UNC13A: variants seen among roughly 807,000 people sequenced by gnomAD.
UNC13A encodes unc-13 homolog A.
UNC13A carries 61 observed loss-of-function variants against 219.7 expected under a neutral mutation model. The ratio of observed to expected loss-of-function variants is 0.28; its 90% CI spans 0.23 to 0.34. The LOEUF (loss-of-function observed/expected upper bound fraction) is 0.34, where lower values mean the gene tolerates loss of function less well. UNC13A is among the 10% of genes least tolerant of loss of function. UNC13A has a pLI of 1.00. For missense variants in UNC13A, 1,476 were observed against 2,270.3 expected (o/e 0.65, Z 7.11); for synonymous variants, 920 against 884.6 (o/e 1.04, Z -0.71).
chr19:17,619,438 CTTT>C (rs3049774), intron 38 of UNC13A, among the ~76,000 whole-genome samples: 3,155 of 90,286 alleles, frequency 0.035, 103 homozygotes, highest in African/African-American at 0.09. Context: ...TTTTTCTTTT[CTTT>C]TTTTTTTTTT....
chr19:17,642,340 T>C (rs1235971420), intron 20 of UNC13A, among the ~76,000 whole-genome samples: 1 of 151,514 alleles, frequency 6.6e-6, no homozygotes, highest in Non-Finnish European at 1.5e-5. Context: ...TCCATCCATC[T>C]GTCCATCCAT....
chr19:17,650,854 C>T (rs1392928236), intron 12 of UNC13A, among the ~76,000 whole-genome samples: 2 of 152,054 alleles, frequency 1.3e-5, no homozygotes, highest in African/African-American at 4.8e-5. Context: ...GTAGCCTCCA[C>T]CTCCTGGGCT....
chr19:17,679,898 T>G (rs976396178), intron 1 of UNC13A, among the ~76,000 whole-genome samples: 2 of 152,026 alleles, frequency 1.3e-5, no homozygotes, highest in African/African-American at 4.8e-5. Context: ...TGGTCTCCGT[T>G]GGGGTCCTCA....
At chr19:17,638,388 A>G (rs1384915773) in intron 25 of UNC13A, among the ~76,000 whole-genome samples, 1 of 152,130 alleles carries the variant, frequency 6.6e-6, no homozygotes, top group Non-Finnish European at 1.5e-5. Flanking sequence ...GGATCACTTG[A>G]GCCTGGGAGG....
intron 31 of UNC13A, chr19:17,628,412 C>T (rs10403756): frequency 0.63 from 107,640 of 171,234 alleles, 35,788 homozygotes; most frequent in African/African-American, 0.84. Context: ...ACTCACACCA[C>T]GCACATTCAA....
chr19:17,619,548 G>A (rs2076706013), intron 38 of UNC13A, among the ~76,000 whole-genome samples: 2 of 150,552 alleles, frequency 1.3e-5, no homozygotes, highest in Non-Finnish European at 2.9e-5. Flanking sequence ...CAATCCTCCC[G>A]CCTCCCCAGT....
rs76602387 is a variant in UNC13A, at chr19:17,649,632, C to T, written c.1440-45G>A. On this transcript the variant is annotated intron_variant, in intron 12 of 43. Transcript: ENST00000519716. The surrounding 1 kb of genome is among the most constrained non-coding windows in gnomAD (Gnocchi z 4.4). ...ACTGAGGGCCCAGATGTCCCTATTC[C>T]TCACATAGAGCCCTGGGGAGAACAT... 5.9e-4 allele frequency: 941 copies of T among 1,605,332 alleles called. 2 individuals carry two copies. The African/African-American group carries it at 0.012, about 20-fold the overall frequency.
intron 8 of UNC13A, among the ~76,000 whole-genome samples, chr19:17,662,303 G>A (rs1034649065): frequency 1.3e-5 from 2 of 150,762 alleles, no homozygotes; most frequent in Non-Finnish European, 2.9e-5. Context: ...GTGCATGTGC[G>A]GGATCTAGGT....
Position 17,602,354 on chromosome 19 carries a change from C to A in UNC13A, c.*3700G>T. On this transcript the variant is annotated 3_prime_UTR_variant, in exon 44 of 44. Transcript: ENST00000519716. ...GTCCTCATCGGGGCGTGATCTCACC[C>A]TCTGTCTCTGTGTTTTCTACTCTAT... 6.6e-6 allele frequency: 1 copy of A among 152,508 alleles called. No individual in the cohort carries two copies. The allele number at this position is 152,508 out of a possible 1,614,324, so 9.4% of individuals were successfully genotyped here.
At chr19:17,620,579 C>A (rs2076718139) in intron 38 of UNC13A, 114 bp downstream of exon 38, 2 of 964,344 alleles carry the variant, frequency 2.1e-6, no homozygotes, top group African/African-American at 1.7e-5. Flanking sequence ...GACCAACAGA[C>A]AGGTTCACAG....
chr19:17,676,364 CT>C (rs1234699458), intron 1 of UNC13A, among the ~76,000 whole-genome samples: 2 of 152,022 alleles, frequency 1.3e-5, no homozygotes, highest in Admixed American at 6.6e-5. Context: ...TTCCCTGCCC[CT>C]CCCTCTCCCT....
In UNC13A at chr19:17,638,685, T is replaced by C. The variant is rs1367732065; in HGVS notation, c.3081+398A>G. On this transcript the variant is annotated intron_variant, in intron 25 of 43. Transcript: ENST00000519716. ...TTTACTAAAAATACAAAAAATTAAC[T>C]AGGTGTGGTGGTGGGCACCTGTAAT... Among the ~76,000 whole-genome samples the C allele has an allele frequency of 2.0e-5, 3 of 151,698 alleles. No individual in the cohort carries two copies. In the South Asian group the frequency reaches 6.3e-4, roughly 32 times the overall value.
chr19:17,615,011 G>A (rs1189525311), intron 41 of UNC13A, among the ~76,000 whole-genome samples: 1 of 152,148 alleles, frequency 6.6e-6, no homozygotes, highest in Non-Finnish European at 1.5e-5. Context: ...TGGCTTCGCG[G>A]GGAAGGGTCT....
At position 17,651,103 on chromosome 19, in the gene UNC13A, A is replaced by G. The variant is rs1336583271; in HGVS notation, c.1440-1516T>C. On this transcript the variant is annotated intron_variant, in intron 12 of 43. Transcript: ENST00000519716. ...CAGGTGCGCACCACGACACCTGGCT[A>G]ATTTTCTGTATTTTTCGTAGATATG... Among the ~76,000 whole-genome samples the G allele has an allele frequency of 8.4e-4, 127 of 151,364 alleles. 2 individuals carry two copies. Among genetic ancestry groups the G allele is most frequent in the Non-Finnish European group, 1.6e-4 (11 of 67,812 alleles).
Position 17,629,326 on chromosome 19 carries a change from G to T in UNC13A, c.3670-3C>A, listed in dbSNP as rs748304677. The T allele has an allele frequency of 6.2e-7, 1 of 1,608,696 alleles. No individual in the cohort carries two copies. ...TGGAGGAGCACATTACTGATGGTCTGGGGAAGACACAGAGTGTGGGTGAGA... is the reference window on the plus strand; with the variant it reads ...TGGAGGAGCACATTACTGATGGTCTTGGGAAGACACAGAGTGTGGGTGAGA... On this transcript the variant is annotated splice_region_variant and splice_polypyrimidine_tract_variant and intron_variant, in intron 30 of 43. Transcript: ENST00000519716.
intron 1 of UNC13A, among the ~76,000 whole-genome samples, chr19:17,680,959 G>A (rs2080004282): frequency 7.5e-6 from 1 of 132,530 alleles, no homozygotes; most frequent in Non-Finnish European, 1.6e-5. Context: ...GAGGGCAGTG[G>A]TGTGATCATG....
chr19:17,629,436 C>A, intron 30 of UNC13A, 113 bp from the exon 31 acceptor site: 1 of 907,796 alleles, frequency 1.1e-6, no homozygotes, highest in Non-Finnish European at 1.7e-6. Flanking sequence ...CTATTAGGAC[C>A]TAAGATGGGC....
intron 26 of UNC13A, among the ~76,000 whole-genome samples, 155 bp downstream of exon 26, chr19:17,635,869 A>G (rs964823221): frequency 4.6e-5 from 7 of 152,208 alleles, no homozygotes; most frequent in Non-Finnish European, 1.0e-4. Context: ...AATTGTACCC[A>G]TATTTGAATT....
intron 1 of UNC13A, among the ~76,000 whole-genome samples, chr19:17,681,805 C>CTAGGCT (rs2080023976): frequency 6.6e-6 from 1 of 152,194 alleles, no homozygotes; most frequent in African/African-American, 2.4e-5. Flanking sequence ...CCTCAACGAA[C>CTAGGCT]TAGGCTCCCT....
Sources: allele counts gnomAD v4.1 joint callset (sites outside exome capture counted in the v4.1 genomes callset), GRCh38; gene constraint gnomAD v4.1.1; non-coding constraint Gnocchi (gnomAD v3.1); transcripts MANE v1.5; gene names NCBI Gene and HGNC (gene_info 2026-07-23, HGNC 2026-07-21).